The following MRTFB variants were observed in gnomAD, a reference collection of about 807,000 sequenced individuals.
The protein encoded by MRTFB is myocardin related transcription factor B.
In MRTFB, 29 loss-of-function variants were observed where a neutral mutation model predicts 104.2. That is an observed-to-expected ratio of 0.28 (90% confidence interval 0.21 to 0.38). The LOEUF is 0.38. Ranked by LOEUF, MRTFB falls within the 10% of genes least tolerant of loss-of-function variation. The pLI, the probability that MRTFB is intolerant of heterozygous loss-of-function variation, is 1.00. For synonymous variants in MRTFB, 535 were observed against 519.5 expected (o/e 1.03, Z -0.41); for missense variants, 1,270 against 1,341.6 (o/e 0.95, Z 0.83).
chr16:14,111,298 G>C (rs925995370), intron 2 of MRTFB, among the ~76,000 whole-genome samples: 3 of 152,132 alleles, frequency 2.0e-5, no homozygotes, highest in Admixed American at 6.5e-5. Context: ...AACATGCAGA[G>C]ATTTTGAGTC....
chr16:14,260,999 T>C lies in MRTFB; in HGVS notation c.2855T>C (p.Val952Ala), dbSNP rs201551254. Residue 952 changes from valine to alanine, a missense_variant, in exon 17 of 17, where the codon GTG becomes GCG. Transcript: ENST00000571589. Reference protein sequence around the residue: ...ASITTMPVNTVVSRPPPQVQM... With the variant: ...ASITTMPVNTAVSRPPPQVQM... ...ATCACCACAATGCCAGTGAATACAG[T>C]GGTGTCCCGGCCACCACCCCAAGTC... The C allele has an allele frequency of 6.2e-7, 1 of 1,614,114 alleles. No homozygotes were observed. The highest frequency in any genetic ancestry group is 8.5e-7 in the Non-Finnish European group (1 of 1,180,012).
In MRTFB at chr16:14,265,913, C is replaced by T. The variant is rs1234299773; in HGVS notation, c.*4469C>T. ...CTTTATGCCAACTACTAAGACAAAG[C>T]TTTAACAAAGTTTATAGAATACTGA... On this transcript the variant is annotated 3_prime_UTR_variant, in exon 17 of 17. Transcript: ENST00000571589. 1.3e-5 allele frequency: 2 copies of T among 152,174 alleles called. No homozygotes were observed. The highest frequency in any genetic ancestry group is 4.8e-5 in the African/African-American group (2 of 41,444). 9.4% of individuals were successfully genotyped at this position (152,174 alleles called of 1,614,324 possible).
intron 2 of MRTFB, among the ~76,000 whole-genome samples, chr16:14,083,254 G>T (rs1270259015): frequency 1.3e-5 from 2 of 151,016 alleles, no homozygotes; most frequent in East Asian, 1.9e-4. Context: ...AGTTTTTTTT[G>T]GTGGAATCTT....
the MRTFB span, among the ~76,000 whole-genome samples, chr16:14,026,591 C>T: frequency 6.6e-6 from 1 of 152,038 alleles, no homozygotes; most frequent in African/African-American, 2.4e-5. Context: ...ATGAAAGAGC[C>T]AGTCAAAAAG....
chr16:14,066,160 G>A, the MRTFB span, among the ~76,000 whole-genome samples: 2 of 151,992 alleles, frequency 1.3e-5, no homozygotes, highest in East Asian at 1.9e-4. Context: ...CCCCACTATA[G>A]GACTTTATAA....
chr16:14,201,545 A>G (rs2040704754), intron 3 of MRTFB, among the ~76,000 whole-genome samples: 1 of 152,216 alleles, frequency 6.6e-6, no homozygotes, highest in Non-Finnish European at 1.5e-5. Flanking sequence ...GGTACTAACT[A>G]CTTTATAAAA....
chr16:14,039,760 C>CTTTTTTTTTTTTTT, the MRTFB span, among the ~76,000 whole-genome samples: 1 of 121,940 alleles, frequency 8.2e-6, no homozygotes, highest in Non-Finnish European at 1.7e-5. Flanking sequence ...ATAATATGTT[C>CTTTTTTTTTTTTTT]TTTTTTTTTT....
intron 3 of MRTFB, among the ~76,000 whole-genome samples, chr16:14,154,357 T>A (rs2038744800): frequency 6.6e-6 from 1 of 152,122 alleles, no homozygotes; most frequent in Admixed American, 6.5e-5. Context: ...TTTTTAAATG[T>A]TAAGGATAAG....
chr16:14,140,171 A>G (rs1240867263), intron 2 of MRTFB, among the ~76,000 whole-genome samples: 1 of 152,174 alleles, frequency 6.6e-6, no homozygotes, highest in Non-Finnish European at 1.5e-5. Context: ...AACTTGCTTG[A>G]TATATAGGAG....
At chr16:14,123,945 G>C (rs2036978276) in intron 2 of MRTFB, among the ~76,000 whole-genome samples, 1 of 152,066 alleles carries the variant, frequency 6.6e-6, no homozygotes, top group Admixed American at 6.5e-5. Flanking sequence ...TTATTTCCTT[G>C]AGCAGTGGTT....
intron 2 of MRTFB, among the ~76,000 whole-genome samples, chr16:14,136,339 C>T (rs2037719039): frequency 6.6e-6 from 1 of 152,088 alleles, no homozygotes; most frequent in Non-Finnish European, 1.5e-5. Flanking sequence ...TTATGTTCTA[C>T]TACTTTTCAC....
intron 5 of MRTFB, among the ~76,000 whole-genome samples, chr16:14,212,975 A>G (rs1171958555): frequency 6.6e-6 from 1 of 152,196 alleles, no homozygotes; most frequent in Non-Finnish European, 1.5e-5. Flanking sequence ...TGTTTTGGGG[A>G]AAATTTCTAT....
chr16:14,072,305 T>C (rs2033755700), intron 1 of MRTFB, among the ~76,000 whole-genome samples: 1 of 152,182 alleles, frequency 6.6e-6, no homozygotes, highest in African/African-American at 2.4e-5. Flanking sequence ...AGCAGTATGA[T>C]GGTTTGATTG....
At chr16:14,102,356 C>T (rs908120460) in intron 2 of MRTFB, among the ~76,000 whole-genome samples, 10 of 152,150 alleles carry the variant, frequency 6.6e-5, no homozygotes, top group Admixed American at 1.3e-4. Flanking sequence ...ACGGGCTTAA[C>T]GTCGCCTCTT....
At chr16:14,013,702 A>G in the MRTFB span, among the ~76,000 whole-genome samples, 1 of 152,200 alleles carries the variant, frequency 6.6e-6, no homozygotes, top group African/African-American at 2.4e-5. Context: ...GAAAACTATT[A>G]ATACAACATC....
intron 15 of MRTFB, among the ~76,000 whole-genome samples, chr16:14,253,093 G>A (rs1206258663): frequency 6.6e-6 from 1 of 152,150 alleles, no homozygotes; most frequent in Non-Finnish European, 1.5e-5. Flanking sequence ...TTGTTTGACT[G>A]ATAAAACAGA....
At chr16:14,104,579 G>T (rs895848346) in intron 2 of MRTFB, among the ~76,000 whole-genome samples, 1 of 152,152 alleles carries the variant, frequency 6.6e-6, no homozygotes, top group African/African-American at 2.4e-5. Flanking sequence ...AAGTGTTGGG[G>T]TTTCGCTTTA....
At chr16:14,225,718 A>G (rs1228665580) in intron 8 of MRTFB, among the ~76,000 whole-genome samples, 2 of 151,968 alleles carry the variant, frequency 1.3e-5, no homozygotes, top group East Asian at 3.8e-4. Context: ...TTGTAGAGAC[A>G]GGGTTTCGCC....
intron 3 of MRTFB, among the ~76,000 whole-genome samples, chr16:14,176,871 G>C (rs1481100062): frequency 6.6e-6 from 1 of 152,234 alleles, no homozygotes; most frequent in African/African-American, 2.4e-5. Context: ...ATCACATGGT[G>C]TGCTGAGTCC....
Sources: gnomAD v4.1 joint callset for allele counts (sites outside exome capture counted in the v4.1 genomes callset) on GRCh38, gnomAD v4.1.1 for gene constraint, MANE v1.5 for transcripts, NCBI Gene and HGNC (gene_info 2026-07-23, HGNC 2026-07-21) for gene names.